Variants in ALG6 observed in about 807,000 individuals in gnomAD.
ALG6 encodes the protein dolichyl pyrophosphate Man9GlcNAc2 alpha-1,3-glucosyltransferase.
In ALG6, 46 loss-of-function variants were observed where a neutral mutation model predicts 66.6. The ratio of observed to expected loss-of-function variants is 0.69; its 90% CI spans 0.55 to 0.88. ALG6 has a LOEUF of 0.88. ALG6 is among the 40% of genes least tolerant of loss of function. ALG6 has a pLI of 0.00. For missense variants in ALG6, 505 were observed against 586.8 expected (o/e 0.86, Z 1.44); for synonymous variants, 185 against 203.7 (o/e 0.91, Z 0.78).
intron 12 of ALG6, among the ~76,000 whole-genome samples, chr1:63,421,162 G>T (rs567780230): frequency 2.6e-5 from 4 of 151,952 alleles, no homozygotes; most frequent in Non-Finnish European, 5.9e-5. Context: ...TGCAGGTAGC[G>T]GTTGCAATTT....
intron 12 of ALG6, among the ~76,000 whole-genome samples, chr1:63,420,860 CAAA>C (rs59787354): frequency 1.6e-5 from 2 of 125,802 alleles, no homozygotes; most frequent in Admixed American, 8.4e-5. Context: ...GACTCTGTCT[CAAA>C]AAAAAAAAAA....
chr1:63,386,350 TTC>T (rs1233591109), intron 2 of ALG6, among the ~76,000 whole-genome samples: 5 of 152,130 alleles, frequency 3.3e-5, no homozygotes, highest in Non-Finnish European at 7.4e-5. Flanking sequence ...TTTGGAAGTA[TTC>T]TCTCTATTTT....
intron 2 of ALG6, among the ~76,000 whole-genome samples, chr1:63,376,565 A>G (rs1230720850): frequency 1.3e-5 from 2 of 152,188 alleles, no homozygotes; most frequent in Non-Finnish European, 2.9e-5. Flanking sequence ...TTCTAATGTG[A>G]CATCTACTTT....
intron 3 of ALG6, among the ~76,000 whole-genome samples, chr1:63,402,024 T>C (rs1437884407): frequency 6.6e-6 from 1 of 152,168 alleles, no homozygotes; most frequent in Non-Finnish European, 1.5e-5. Context: ...TTTTTTGTTG[T>C]ATGAGTGTTA....
At chr1:63,390,762 T>C (rs1364904797) in intron 2 of ALG6, among the ~76,000 whole-genome samples, 1 of 152,210 alleles carries the variant, frequency 6.6e-6, no homozygotes, top group Non-Finnish European at 1.5e-5. Flanking sequence ...TGTGTTGCTT[T>C]CTGCTGTGAC....
At chr1:63,371,974 G>A (rs1452439758) in intron 2 of ALG6, among the ~76,000 whole-genome samples, 1 of 152,158 alleles carries the variant, frequency 6.6e-6, no homozygotes, top group African/African-American at 2.4e-5. Context: ...GTATGTGTGA[G>A]GTACAGAGTT....
At chr1:63,430,934 G>A (rs1281722714) in intron 14 of ALG6, among the ~76,000 whole-genome samples, 3 of 151,946 alleles carry the variant, frequency 2.0e-5, no homozygotes, top group Non-Finnish European at 2.9e-5. Flanking sequence ...TGTGCTTTTG[G>A]TGTCATATCT....
intron 10 of ALG6, 69 bp downstream of exon 10, chr1:63,414,215 A>AT (rs1293219966): frequency 4.2e-6 from 5 of 1,186,818 alleles, no homozygotes; most frequent in Non-Finnish European, 6.2e-6. Context: ...GTATTATTTC[A>AT]TTTATTTGGC....
rs577948650 is a variant in ALG6 at position 63,379,458 on chromosome 1, G to A, written c.82+8399G>A. 3.3e-5 allele frequency among the ~76,000 whole-genome samples: 5 copies of A among 151,964 alleles called. No homozygotes were observed. The South Asian group carries it at 1.1e-3, about 33-fold the overall frequency. On this transcript the variant is annotated intron_variant, in intron 2 of 14. Coordinates refer to ENST00000263440, the MANE Select transcript of ALG6 (RefSeq NM_013339.4). ...GTACTATCTTCACTATCTCCCTAAA[G>A]GCATTGTATTTTAAATTGTAGTAGA...
intron 1 of ALG6, among the ~76,000 whole-genome samples, chr1:63,368,119 T>C (rs1449049166): frequency 6.6e-6 from 1 of 152,170 alleles, no homozygotes; most frequent in African/African-American, 2.4e-5. Flanking sequence ...TTTGTCGAGA[T>C]GCACCGTCAG....
At chr1:63,379,728 A>G (rs1003619112) in intron 2 of ALG6, among the ~76,000 whole-genome samples, 7 of 149,952 alleles carry the variant, frequency 4.7e-5, no homozygotes, top group Non-Finnish European at 5.9e-5. Context: ...GATACGTAAT[A>G]CTATATTATT....
intron 14 of ALG6, among the ~76,000 whole-genome samples, chr1:63,432,453 T>C (rs1450963796): frequency 1.3e-5 from 2 of 152,204 alleles, no homozygotes; most frequent in African/African-American, 4.8e-5. Context: ...TAACATGTAG[T>C]TTTCATGTGA....
At position 63,394,727 on chromosome 1, in the gene ALG6, T is replaced by C. The variant is rs1157470458; in HGVS notation, c.83-1786T>C. Among the ~76,000 whole-genome samples the C allele has an allele frequency of 2.0e-5, 3 of 152,144 alleles. No individual in the cohort carries two copies. The East Asian group carries it at 5.8e-4, about 29-fold the overall frequency. On this transcript the variant is annotated intron_variant, in intron 2 of 14. Coordinates refer to ENST00000263440, the MANE Select transcript of ALG6 (RefSeq NM_013339.4). ...AGCTACTTAACCAACTTATGAGGCA[T>C]TACAGAATAGGAGCTAAGAGCATGG...
At chr1:63,374,713 C>T (rs1458839578) in intron 2 of ALG6, among the ~76,000 whole-genome samples, 2 of 152,012 alleles carry the variant, frequency 1.3e-5, no homozygotes, top group Admixed American at 6.6e-5. Flanking sequence ...CTATAACTAG[C>T]ACATTTATAG....
At chr1:63,422,444 A>T (rs1409315386) in intron 12 of ALG6, among the ~76,000 whole-genome samples, 9 of 118,458 alleles carry the variant, frequency 7.6e-5, no homozygotes, top group Non-Finnish European at 1.5e-4. Context: ...TATATATATA[A>T]ATATATATAT....
chr1:63,371,123 G>A lies in ALG6; in HGVS notation c.82+64G>A, dbSNP rs748141790. On this transcript the variant is annotated intron_variant, in intron 2 of 14. Transcript: ENST00000263440. ...TCCTTTGAATAGGTGTTTGTTTGGG[G>A]AAAAGTTTACCATTTTCTGACCAGT... 4.8e-5 allele frequency: 55 copies of A among 1,156,760 alleles called. 3 individuals carry two copies. The Middle Eastern group carries it at 6.9e-3, about 144-fold the overall frequency. The allele number at this position is 1,156,760 out of a possible 1,614,324, so 71.7% of individuals were successfully genotyped here. A position where few individuals can be genotyped will look rare whatever the true frequency, so the allele number is the denominator to read the frequency against.
chr1:63,413,956 G>T (rs1040375524), intron 9 of ALG6, 105 bp from the exon 10 acceptor site: 82 of 802,982 alleles, frequency 1.0e-4, no homozygotes, highest in Non-Finnish European at 1.7e-4. Flanking sequence ...GTGACTAAAA[G>T]TTTCACATCT....
rs1644698911 is a variant in ALG6, at chr1:63,438,494, G to A, written c.*1474G>A. On this transcript the variant is annotated 3_prime_UTR_variant, in exon 15 of 15. Coordinates refer to ENST00000263440, the MANE Select transcript of ALG6 (RefSeq NM_013339.4). ...GATGAGGAAGTTATAAATAATTGGA[G>A]TAGCATAACTTTATTATTTGGAAAT... 1 of 152,052 alleles carries A rather than the reference G, an allele frequency of 6.6e-6. No homozygotes were observed. The highest frequency in any genetic ancestry group is 2.1e-4 in the South Asian group (1 of 4,826). The allele number at this position is 152,052 out of a possible 1,614,324, so 9.4% of individuals were successfully genotyped here.
chr1:63,436,677 G>T, intron 14 of ALG6, 146 bp from the exon 15 acceptor site: 1 of 757,872 alleles, frequency 1.3e-6, no homozygotes, highest in Non-Finnish European at 2.2e-6. Flanking sequence ...GATTCTAATA[G>T]GAAGTCAAAG....
Sources: gnomAD v4.1 joint callset for allele counts (sites outside exome capture counted in the v4.1 genomes callset) on GRCh38, gnomAD v4.1.1 for gene constraint, MANE v1.5 for transcripts, NCBI Gene and HGNC (gene_info 2026-07-23, HGNC 2026-07-21) for gene names.